Variants in CYP3A7 observed in about 807,000 individuals in gnomAD.
CYP3A7 encodes cytochrome P450 3A7.
In CYP3A7, 45 loss-of-function variants were observed where a neutral mutation model predicts 55.2. That is an observed-to-expected ratio of 0.82 (90% CI 0.64 to 1.05). CYP3A7 has a LOEUF of 1.05. CYP3A7 is among the 50% of genes least tolerant of loss of function. The pLI, the probability that CYP3A7 is intolerant of heterozygous loss-of-function variation, is 0.00. For missense variants in CYP3A7, 548 were observed against 605.3 expected, an observed-to-expected ratio of 0.91 and a Z score of 0.99; for synonymous variants, 180 against 207.4, an observed-to-expected ratio of 0.87 and a Z score of 1.13.
intron 2 of CYP3A7, among the ~76,000 whole-genome samples, chr7:99,724,595 T>C (rs1814334655): frequency 6.6e-6 from 1 of 151,526 alleles, no homozygotes; most frequent in African/African-American, 2.4e-5. Flanking sequence ...CCAAGCCAGG[T>C]CCCAATTCTT....
intron 9 of CYP3A7, among the ~76,000 whole-genome samples, chr7:99,712,357 C>G (rs1389971680): frequency 6.6e-6 from 1 of 152,162 alleles, no homozygotes; most frequent in Non-Finnish European, 1.5e-5. Context: ...TGATGTGAAA[C>G]CAAACTATAA....
rs1234050009 is a variant in CYP3A7 at position 99,724,802 on chromosome 7, C to T, written c.166-2454G>A. Among the ~76,000 whole-genome samples the T allele has an allele frequency of 3.3e-5, 5 of 152,138 alleles. No individual in the cohort carries two copies. The East Asian group carries it at 5.8e-4, about 18-fold the overall frequency. On this transcript the variant is annotated intron_variant, in intron 2 of 12. Transcript: ENST00000336374. The stretch of plus-strand genomic sequence containing the variant: ...TATCGACCTCTCCCAGATCAGTCAG[C>T]GTTTAGGCTCTTTTTCATCAGACCC...
intron 9 of CYP3A7, among the ~76,000 whole-genome samples, chr7:99,711,799 C>CAAA (rs386410808): frequency 6.6e-6 from 1 of 151,802 alleles, no homozygotes; most frequent in East Asian, 1.9e-4. Context: ...ACAACAACAA[C>CAAA]AAAAACAGAA....
At chr7:99,709,850 G>T (rs1345812647) in intron 10 of CYP3A7, among the ~76,000 whole-genome samples, 1 of 151,910 alleles carries the variant, frequency 6.6e-6, no homozygotes, top group Non-Finnish European at 1.5e-5. Context: ...ATAAAATGTG[G>T]AGAGAAACAC....
intron 12 of CYP3A7, among the ~76,000 whole-genome samples, chr7:99,707,303 G>A (rs1052811634): frequency 3.3e-5 from 5 of 152,058 alleles, no homozygotes; most frequent in Non-Finnish European, 7.4e-5. Context: ...GAAGCAATGG[G>A]GGAGCTTTTA....
chr7:99,714,434 T>C, intron 8 of CYP3A7, 121 bp downstream of exon 8: 1 of 1,476,596 alleles, frequency 6.8e-7, no homozygotes, highest in South Asian at 1.3e-5. Flanking sequence ...GCTCTAAACA[T>C]AAGTACTCTT....
intron 11 of CYP3A7, among the ~76,000 whole-genome samples, chr7:99,708,731 A>C (rs1264405118): frequency 2.6e-5 from 4 of 152,184 alleles, no homozygotes; most frequent in Non-Finnish European, 5.9e-5. Flanking sequence ...TTTGTGGGAC[A>C]TAATAATAGC....
chr7:99,707,435 C>A (rs773860618), intron 12 of CYP3A7, among the ~76,000 whole-genome samples: 8 of 152,194 alleles, frequency 5.3e-5, no homozygotes, highest in African/African-American at 9.7e-5. Flanking sequence ...CATGAGAAAA[C>A]TTCTACAAGT....
Position 99,714,697 on chromosome 7 carries a change from A to T in CYP3A7, c.671-15T>A. 3 of 1,609,812 alleles carry T rather than the reference A, an allele frequency of 1.9e-6. No homozygotes were observed. The highest frequency in any genetic ancestry group is 2.5e-6 in the Non-Finnish European group (3 of 1,178,446). ...TGGAAAGACTTCTGTAGAAAAAAAA[A>T]ACCAACAGAAAACGAAACCATTGTG... On this transcript the variant is annotated splice_polypyrimidine_tract_variant and intron_variant, in intron 7 of 12. Coordinates refer to ENST00000336374, the MANE Select transcript of CYP3A7 (RefSeq NM_000765.5).
At chr7:99,717,413 A>C (rs1814000949) in intron 5 of CYP3A7, 113 bp downstream of exon 5, 5 of 1,581,280 alleles carry the variant, frequency 3.2e-6, no homozygotes, top group Non-Finnish European at 4.3e-6. Context: ...TATTTTTAGG[A>C]AGCTCAAATT....
At chr7:99,718,124 G>T (rs370683474) in intron 4 of CYP3A7, among the ~76,000 whole-genome samples, 21 of 152,238 alleles carry the variant, frequency 1.4e-4, no homozygotes, top group African/African-American at 5.1e-4. Flanking sequence ...GCCTGTTGTG[G>T]GGTGGGGAGA....
intron 1 of CYP3A7, 144 bp from the exon 2 acceptor site, chr7:99,731,296 A>G (rs1814608243): frequency 7.5e-6 from 7 of 931,448 alleles, no homozygotes; most frequent in East Asian, 5.3e-5. Flanking sequence ...TCTGACGGCA[A>G]TGATTATATT....
intron 2 of CYP3A7, among the ~76,000 whole-genome samples, chr7:99,729,107 C>G (rs74299674): frequency 0.058 from 8,822 of 152,246 alleles, 531 homozygotes; most frequent in East Asian, 0.25. Flanking sequence ...TTGGACCCAC[C>G]TGGACACTTT....
chr7:99,711,006 G>A (rs1032032469), intron 9 of CYP3A7, 114 bp from the exon 10 acceptor site: 33 of 1,545,260 alleles, frequency 2.1e-5, no homozygotes, highest in Non-Finnish European at 2.7e-5. Context: ...AAATAGAAAA[G>A]CAATTCAGAG....
intron 9 of CYP3A7, among the ~76,000 whole-genome samples, chr7:99,712,558 A>C (rs1357319): frequency 0.76 from 115,916 of 152,156 alleles, 47,135 homozygotes; most frequent in Non-Finnish European, 0.91. Flanking sequence ...ACAGTAGGCT[A>C]TTTCCTTTAT....
intron 3 of CYP3A7, 46 bp downstream of exon 3, chr7:99,722,250 C>A (rs769781560): frequency 7.6e-5 from 123 of 1,610,908 alleles, no homozygotes; most frequent in Non-Finnish European, 1.0e-4. Context: ...GGGGTAAACT[C>A]ATCATAGAAA....
intron 2 of CYP3A7, among the ~76,000 whole-genome samples, chr7:99,727,795 T>A (rs541289382): frequency 6.6e-6 from 1 of 152,280 alleles, no homozygotes; most frequent in South Asian, 2.1e-4. Context: ...GGACTACACA[T>A]CAATATTTAT....
chr7:99,722,196 C>T, intron 3 of CYP3A7, 100 bp downstream of exon 3: 6 of 1,474,598 alleles, frequency 4.1e-6, no homozygotes, highest in Non-Finnish European at 5.6e-6. Flanking sequence ...CTGGCAAGAG[C>T]TTCATCGCAA....
rs116392866 is a variant in CYP3A7, at chr7:99,730,858, A to C, written c.165+201T>G. 639 of 614,456 alleles carry C rather than the reference A, an allele frequency of 1.0e-3. 2 individuals are homozygous for C. The African/African-American group carries it at 0.011, about 11-fold the overall frequency. The allele number at this position is 614,456 out of a possible 1,614,324, so 38.1% of individuals were successfully genotyped here. A position where few individuals can be genotyped will look rare whatever the true frequency, so the allele number is the denominator to read the frequency against. ...GATCTACTTGACATTTGGGCTGTCC[A>C]ACTGAGGCAAACTTGAGGTTCCTGA... On this transcript the variant is annotated intron_variant, in intron 2 of 12. Coordinates refer to ENST00000336374, the MANE Select transcript of CYP3A7 (RefSeq NM_000765.5).
Sources: gnomAD v4.1 joint callset for allele counts (sites outside exome capture counted in the v4.1 genomes callset) on GRCh38, gnomAD v4.1.1 for gene constraint, MANE v1.5 for transcripts, NCBI Gene and HGNC (gene_info 2026-07-23, HGNC 2026-07-21) for gene names.